Variants in USP6NL observed in about 807,000 individuals in gnomAD.
The protein encoded by USP6NL is USP6 N-terminal like.
In USP6NL, 26 loss-of-function variants were observed where a neutral mutation model predicts 61.9. The observed-to-expected ratio is 0.42, with a 90% confidence interval of 0.31 to 0.58. USP6NL has a LOEUF of 0.58. Among genes scored for constraint, USP6NL ranks in the 20% least tolerant of loss-of-function variants. The probability of loss-of-function intolerance (pLI) is 0.16; values close to 1 mark genes in which losing one functional copy is unlikely to be tolerated. For synonymous variants in USP6NL, 432 were observed against 390.1 expected (o/e 1.11, Z -1.27); for missense variants, 1,114 against 1,034.3 (o/e 1.08, Z -1.06).
intron 5 of USP6NL, among the ~76,000 whole-genome samples, chr10:11,517,553 G>C (rs1024451570): frequency 7.2e-5 from 11 of 152,174 alleles, no homozygotes; most frequent in African/African-American, 2.7e-4. Context: ...CAATTATGTA[G>C]ATATTAAAAC....
At chr10:11,578,077 A>G (rs912009034) in intron 2 of USP6NL, among the ~76,000 whole-genome samples, 3 of 152,076 alleles carry the variant, frequency 2.0e-5, no homozygotes, top group Admixed American at 1.3e-4. Context: ...CTCCCACCTC[A>G]GCCTCCCAAG....
In USP6NL at chr10:11,474,697, GAT is replaced by G. The variant is rs1491213960; in HGVS notation, c.1078+7071_1078+7072del. On this transcript the variant is annotated intron_variant, in intron 14 of 14. Coordinates refer to ENST00000609104, the MANE Select transcript of USP6NL (RefSeq NM_014688.5). This position sits in a 1 kb window ranked among gnomAD's most constrained non-coding sequence, Gnocchi z 4.9. ...ATAGAAAATTTGTCCTTGAATTAAT[GAT>G]TTTTTTTAAAAAAAACTTGCATCAA... Among the ~76,000 whole-genome samples, 2 of 151,854 alleles carry G rather than the reference GAT, an allele frequency of 1.3e-5. No individual in the cohort carries two copies. Among genetic ancestry groups the G allele is most frequent in the African/African-American group, 4.9e-5 (2 of 41,236 alleles).
In USP6NL at chr10:11,597,006, G is replaced by A. The variant is rs1301856971; in HGVS notation, c.4+625C>T. Among the ~76,000 whole-genome samples the A allele has an allele frequency of 3.3e-5, 5 of 151,756 alleles. No homozygotes were observed. Among genetic ancestry groups the A allele is most frequent in the African/African-American group, 4.8e-5 (2 of 41,278 alleles). The stretch of plus-strand genomic sequence containing the variant: ...CAAATCTCCATATAATCCCAGTTAG[G>A]GTAAAATCTCAATTCTTTTCCCACC... On this transcript the variant is annotated intron_variant, in intron 2 of 14. Coordinates refer to ENST00000609104, the MANE Select transcript of USP6NL (RefSeq NM_014688.5). The surrounding 1 kb of genome is among the most constrained non-coding windows in gnomAD (Gnocchi z 4.6).
chr10:11,525,117 C>T lies in USP6NL; in HGVS notation c.155+269G>A, dbSNP rs138013811. On this transcript the variant is annotated intron_variant, in intron 4 of 14. Coordinates refer to ENST00000609104, the MANE Select transcript of USP6NL (RefSeq NM_014688.5). This position sits in a 1 kb window ranked among gnomAD's most constrained non-coding sequence, Gnocchi z 5.0. ...TTTTAAAATACAAATTATCCATTTG[C>T]ATTTAACTCTGTTGATTTATTAATA... 2.0e-5 allele frequency among the ~76,000 whole-genome samples: 3 copies of T among 152,230 alleles called. No individual in the cohort carries two copies. The highest frequency in any genetic ancestry group is 4.8e-5 in the African/African-American group (2 of 41,542).
At chr10:11,526,823 G>A (rs1239115406) in intron 3 of USP6NL, among the ~76,000 whole-genome samples, 1 of 152,168 alleles carries the variant, frequency 6.6e-6, no homozygotes, top group Non-Finnish European at 1.5e-5. Context: ...CAATAATTGT[G>A]ATTTTCTATA....
chr10:11,599,325 G>C (rs1447457934), intron 1 of USP6NL, among the ~76,000 whole-genome samples: 1 of 152,070 alleles, frequency 6.6e-6, no homozygotes, highest in Non-Finnish European at 1.5e-5. Context: ...TTCTCTTTAT[G>C]TTTATACAAA....
chr10:11,554,709 T>C (rs1836612395), intron 2 of USP6NL, among the ~76,000 whole-genome samples: 1 of 147,168 alleles, frequency 6.8e-6, no homozygotes, highest in Non-Finnish European at 1.5e-5. Context: ...CTATCTGATA[T>C]CCAAGAAAAA....
chr10:11,494,523 A>T (rs1833832332), intron 7 of USP6NL, among the ~76,000 whole-genome samples: 1 of 152,190 alleles, frequency 6.6e-6, no homozygotes, highest in Non-Finnish European at 1.5e-5. Context: ...AAGAGATAAA[A>T]GAAAAGACAG....
At chr10:11,570,798 T>G (rs1837328431) in intron 2 of USP6NL, among the ~76,000 whole-genome samples, 1 of 152,182 alleles carries the variant, frequency 6.6e-6, no homozygotes, top group African/African-American at 2.4e-5. Flanking sequence ...CTAGTGGAGC[T>G]TGGCCCTAGA....
Position 11,589,144 on chromosome 10 carries a change from T to G in USP6NL, c.4+8487A>C, listed in dbSNP as rs1838076081. Among the ~76,000 whole-genome samples the G allele has an allele frequency of 6.6e-6, 1 of 152,186 alleles. No individual in the cohort carries two copies. The highest frequency in any genetic ancestry group is 1.5e-5 in the Non-Finnish European group (1 of 68,022). ...CCCCTTAGCAGTAAGGCAACCTGCT[T>G]TATATAGCTTCTAGGTCACATCTGT... On this transcript the variant is annotated intron_variant, in intron 2 of 14. Transcript: ENST00000609104. This position sits in a 1 kb window ranked among gnomAD's most constrained non-coding sequence, Gnocchi z 4.7.
In USP6NL at chr10:11,587,699, C is replaced by T. The variant is rs1838022812; in HGVS notation, c.4+9932G>A. ...ACTGCTATACTTTATACCTTCATAG[C>T]ATTTGTTCAGTAGCATCTTGAGATT... On this transcript the variant is annotated intron_variant, in intron 2 of 14. Transcript: ENST00000609104. The surrounding 1 kb of genome is among the most constrained non-coding windows in gnomAD (Gnocchi z 4.5). 6.6e-6 allele frequency among the ~76,000 whole-genome samples: 1 copy of T among 152,150 alleles called. No individual in the cohort carries two copies. The highest frequency in any genetic ancestry group is 1.5e-5 in the Non-Finnish European group (1 of 68,024).
intron 2 of USP6NL, among the ~76,000 whole-genome samples, chr10:11,530,161 T>G (rs1464229759): frequency 6.6e-6 from 1 of 151,042 alleles, no homozygotes; most frequent in East Asian, 1.9e-4. Flanking sequence ...TGACTACTTA[T>G]GAAACTCCAT....
chr10:11,564,520 G>C (rs1837053538), intron 2 of USP6NL: 1 of 152,162 alleles, frequency 6.6e-6, no homozygotes, highest in South Asian at 2.1e-4. Context: ...GAATTCTTCA[G>C]AATTATTCAC....
chr10:11,569,496 G>C (rs1464557771), intron 2 of USP6NL, among the ~76,000 whole-genome samples: 2 of 152,156 alleles, frequency 1.3e-5, no homozygotes, highest in Admixed American at 6.5e-5. Context: ...AGAAGCAAAA[G>C]CAAAATGCTA....
intron 14 of USP6NL, among the ~76,000 whole-genome samples, chr10:11,480,808 T>A (rs1370230664): frequency 2.0e-5 from 3 of 152,182 alleles, no homozygotes; most frequent in Non-Finnish European, 4.4e-5. Flanking sequence ...TAACTGACTT[T>A]CTTTACTTTT....
At chr10:11,539,918 C>T (rs1368479920) in intron 2 of USP6NL, among the ~76,000 whole-genome samples, 7 of 152,254 alleles carry the variant, frequency 4.6e-5, no homozygotes, top group East Asian at 1.9e-4. Context: ...GAGACTGAGG[C>T]GTGGAAATGT....
chr10:11,546,568 A>ATTG (rs5783219), intron 2 of USP6NL, among the ~76,000 whole-genome samples: 94 of 151,298 alleles, frequency 6.2e-4, no homozygotes, highest in African/African-American at 1.6e-3. Context: ...TGTCCGGCTA[A>ATTG]TTGTTGTTGT....
At chr10:11,497,975 C>T (rs1031441635) in intron 7 of USP6NL, among the ~76,000 whole-genome samples, 10 of 152,010 alleles carry the variant, frequency 6.6e-5, no homozygotes, top group African/African-American at 2.2e-4. Flanking sequence ...CAGTGGCTCA[C>T]GCCTGTAATC....
At chr10:11,541,412 T>C (rs905300029) in intron 2 of USP6NL, among the ~76,000 whole-genome samples, 3 of 151,482 alleles carry the variant, frequency 2.0e-5, no homozygotes, top group African/African-American at 7.3e-5. Flanking sequence ...ACATCAAAAC[T>C]ACGAGGTAGG....
Sources: gnomAD v4.1 joint callset for allele counts (sites outside exome capture counted in the v4.1 genomes callset) on GRCh38, gnomAD v4.1.1 for gene constraint, Gnocchi (gnomAD v3.1) non-coding constraint, MANE v1.5 for transcripts, NCBI Gene and HGNC (gene_info 2026-07-23, HGNC 2026-07-21) for gene names.